LHFPL3: variants seen among roughly 807,000 people sequenced by gnomAD.
The protein encoded by LHFPL3 is LHFPL tetraspan subfamily member 3.
In LHFPL3, 5 loss-of-function variants were observed where a neutral mutation model predicts 19.3. The observed-to-expected ratio is 0.26, with a 90% CI of 0.14 to 0.54. The LOEUF is 0.54. LHFPL3 is among the 20% of genes least tolerant of loss of function. LHFPL3 has a pLI of 0.94. For synonymous variants in LHFPL3, 133 were observed against 126.2 expected (o/e 1.05, Z -0.36); for missense variants, 249 against 307.4 (o/e 0.81, Z 1.42).
intron 1 of LHFPL3, among the ~76,000 whole-genome samples, chr7:104,559,683 G>A (rs1018017475): frequency 1.8e-4 from 28 of 152,038 alleles, no homozygotes; most frequent in African/African-American, 6.5e-4. Context: ...TCCTTCTCCT[G>A]CCTAATTGCC....
chr7:104,376,403 G>T (rs1400521981), intron 1 of LHFPL3, among the ~76,000 whole-genome samples: 1 of 152,218 alleles, frequency 6.6e-6, no homozygotes, highest in Non-Finnish European at 1.5e-5. Flanking sequence ...GGATGTTTCA[G>T]TGTGTCATAA....
intron 1 of LHFPL3, among the ~76,000 whole-genome samples, chr7:104,726,372 G>A (rs1393603819): frequency 6.6e-6 from 1 of 151,320 alleles, no homozygotes; most frequent in Non-Finnish European, 1.5e-5. Context: ...TGCAGGATGT[G>A]CAGGTTTCTT....
At chr7:104,675,885 A>G (rs2116063703) in intron 1 of LHFPL3, among the ~76,000 whole-genome samples, 1 of 152,302 alleles carries the variant, frequency 6.6e-6, no homozygotes, top group South Asian at 2.1e-4. Flanking sequence ...GTCCCTCCAA[A>G]ACTGCTGGAT....
intron 2 of LHFPL3, among the ~76,000 whole-genome samples, chr7:104,855,629 C>CTT (rs11371248): frequency 5.1e-4 from 74 of 146,148 alleles, no homozygotes; most frequent in South Asian, 6.5e-4. Flanking sequence ...ATTTTTCTTT[C>CTT]TTTTTTTTTT....
chr7:104,789,638 T>C (rs1337256502), intron 2 of LHFPL3, among the ~76,000 whole-genome samples: 1 of 152,114 alleles, frequency 6.6e-6, no homozygotes, highest in Non-Finnish European at 1.5e-5. Context: ...ACACTACATT[T>C]GTATGTATCT....
At chr7:104,335,268 G>A (rs1789772390) in intron 1 of LHFPL3, among the ~76,000 whole-genome samples, 1 of 152,206 alleles carries the variant, frequency 6.6e-6, no homozygotes, top group Admixed American at 6.5e-5. Context: ...ACCCTAAAGA[G>A]AGGCTTTTCC....
Position 104,543,182 on chromosome 7 carries a change from C to A in LHFPL3, c.446-193493C>A, listed in dbSNP as rs371353563. On this transcript the variant is annotated intron_variant, in intron 1 of 2. Coordinates refer to ENST00000424859, the MANE Select transcript of LHFPL3 (RefSeq NM_199000.3). ...GTGAGGGGTCCAAGGGGAGGAAGAG[C>A]ATTAGGACAAATACCTAATGCATGC... Among the ~76,000 whole-genome samples, 7 of 152,202 alleles carry A rather than the reference C, an allele frequency of 4.6e-5. No homozygotes were observed. The South Asian group carries it at 1.5e-3, about 32-fold the overall frequency.
intron 1 of LHFPL3, among the ~76,000 whole-genome samples, chr7:104,333,778 C>T (rs1382902438): frequency 1.3e-5 from 2 of 152,312 alleles, no homozygotes; most frequent in East Asian, 1.9e-4. Context: ...TTTGAAATTA[C>T]AGCACATTTC....
chr7:104,757,143 C>T (rs1319732965), intron 2 of LHFPL3, among the ~76,000 whole-genome samples: 1 of 152,148 alleles, frequency 6.6e-6, no homozygotes, highest in Admixed American at 6.5e-5. Context: ...GCTGGGATAG[C>T]TGGCTAGCAA....
At chr7:104,663,833 G>C (rs1283444166) in intron 1 of LHFPL3, among the ~76,000 whole-genome samples, 1 of 152,150 alleles carries the variant, frequency 6.6e-6, no homozygotes. Flanking sequence ...CTTTGGAGTT[G>C]GGTGCTCAAC....
chr7:104,502,300 A>G (rs1485188452), intron 1 of LHFPL3, among the ~76,000 whole-genome samples: 2 of 152,340 alleles, frequency 1.3e-5, no homozygotes, highest in South Asian at 2.1e-4. Context: ...TGGAATTTGG[A>G]AATAAATTCC....
intron 1 of LHFPL3, among the ~76,000 whole-genome samples, chr7:104,422,025 C>T (rs1791742578): frequency 6.6e-6 from 1 of 152,184 alleles, no homozygotes; most frequent in African/African-American, 2.4e-5. Flanking sequence ...ACCTGACATG[C>T]TGTCATCCTG....
At chr7:104,365,151 T>C (rs1002789622) in intron 1 of LHFPL3, among the ~76,000 whole-genome samples, 7 of 151,940 alleles carry the variant, frequency 4.6e-5, no homozygotes, top group Admixed American at 3.9e-4. Context: ...AATACAAAAT[T>C]AGCCGGGCGT....
intron 1 of LHFPL3, among the ~76,000 whole-genome samples, chr7:104,538,436 T>A (rs553914678): frequency 6.6e-6 from 1 of 152,312 alleles, no homozygotes; most frequent in Admixed American, 6.5e-5. Flanking sequence ...TGCTTGTCTT[T>A]GAACACACAG....
chr7:104,853,147 C>G (rs1309929437), intron 2 of LHFPL3, among the ~76,000 whole-genome samples: 1 of 152,216 alleles, frequency 6.6e-6, no homozygotes, highest in Non-Finnish European at 1.5e-5. Flanking sequence ...GAGGAGCAAG[C>G]CTATTGCCCA....
At chr7:104,884,222 G>C (rs780961514) in intron 2 of LHFPL3, among the ~76,000 whole-genome samples, 1 of 152,184 alleles carries the variant, frequency 6.6e-6, no homozygotes, top group Non-Finnish European at 1.5e-5. Context: ...TCACGGAGAA[G>C]GCATCTGCTT....
intron 1 of LHFPL3, among the ~76,000 whole-genome samples, chr7:104,720,988 C>T (rs1025560679): frequency 6.6e-6 from 1 of 152,100 alleles, no homozygotes; most frequent in Non-Finnish European, 1.5e-5. Context: ...GACGATTCCT[C>T]AAAGATCTAG....
intron 2 of LHFPL3, among the ~76,000 whole-genome samples, chr7:104,771,644 C>T (rs1794553284): frequency 6.6e-6 from 1 of 151,266 alleles, no homozygotes; most frequent in South Asian, 2.1e-4. Context: ...TATTTTGGCT[C>T]TATTTTGTAG....
chr7:104,496,185 G>T (rs1377350526), intron 1 of LHFPL3, among the ~76,000 whole-genome samples: 1 of 151,892 alleles, frequency 6.6e-6, no homozygotes, highest in African/African-American at 2.4e-5. Flanking sequence ...CGTTCTCGTT[G>T]TTCAATTCCC....
Sources: allele counts gnomAD v4.1 joint callset (sites outside exome capture counted in the v4.1 genomes callset), GRCh38; gene constraint gnomAD v4.1.1; transcripts MANE v1.5; gene names NCBI Gene and HGNC (gene_info 2026-07-23, HGNC 2026-07-21).